Variants in BPNT1 observed in about 807,000 individuals in gnomAD.
The protein encoded by BPNT1 is 3'(2'), 5'-bisphosphate nucleotidase 1, also known as 3'(2'),5'-bisphosphate nucleotidase 1.
BPNT1 carries 28 observed loss-of-function variants against 36.9 expected under a neutral mutation model. The ratio of observed to expected loss-of-function variants is 0.76; its 90% CI spans 0.56 to 1.04. The LOEUF (loss-of-function observed/expected upper bound fraction) is 1.04, where lower values mean the gene tolerates loss of function less well. Among genes scored for constraint, BPNT1 ranks in the 50% least tolerant of loss-of-function variants. The pLI, the probability that BPNT1 is intolerant of heterozygous loss-of-function variation, is 0.00. For missense variants in BPNT1, 313 were observed against 372.9 expected, an observed-to-expected ratio of 0.84 and a Z score of 1.32; for synonymous variants, 119 against 130.9, an observed-to-expected ratio of 0.91 and a Z score of 0.62.
chr1:220,064,895 C>A (rs1663397965), intron 6 of BPNT1, among the ~76,000 whole-genome samples: 1 of 152,062 alleles, frequency 6.6e-6, no homozygotes, highest in Non-Finnish European at 1.5e-5. Context: ...GCAAACTCTG[C>A]CTCCTGGGTT....
chr1:220,061,594 G>T (rs999708642), intron 7 of BPNT1, among the ~76,000 whole-genome samples: 2 of 151,970 alleles, frequency 1.3e-5, no homozygotes, highest in African/African-American at 4.8e-5. Flanking sequence ...AGAGTGATAG[G>T]CTGTGAGGAA....
chr1:220,078,067 C>A (rs1389828620), intron 2 of BPNT1, among the ~76,000 whole-genome samples: 1 of 150,974 alleles, frequency 6.6e-6, no homozygotes, highest in Admixed American at 6.7e-5. Context: ...CCTAACTACT[C>A]AGGAGGCTAA....
At chr1:220,068,142 G>A (rs1050369608) in intron 5 of BPNT1, among the ~76,000 whole-genome samples, 3 of 152,098 alleles carry the variant, frequency 2.0e-5, no homozygotes, top group Non-Finnish European at 4.4e-5. Flanking sequence ...GAAAATTTAT[G>A]TAGACCTTAA....
At chr1:220,074,448 A>G (rs1194963683) in intron 2 of BPNT1, among the ~76,000 whole-genome samples, 4 of 152,020 alleles carry the variant, frequency 2.6e-5, no homozygotes, top group African/African-American at 9.7e-5. Context: ...CCTAATCATA[A>G]TAATTCAACA....
At chr1:220,069,279 CAT>C (rs1282345037) in intron 5 of BPNT1, 103 bp downstream of exon 5, 2 of 863,008 alleles carry the variant, frequency 2.3e-6, no homozygotes, top group African/African-American at 1.7e-5. Flanking sequence ...AAACATAACA[CAT>C]GATAGTAGCT....
At position 220,072,831 on chromosome 1, in the gene BPNT1, G is replaced by A. The variant is rs200840033; in HGVS notation, c.333+19C>T. The A allele has an allele frequency of 4.0e-4, 637 of 1,580,208 alleles. 6 individuals carry two copies. In the South Asian group the frequency reaches 4.1e-3, roughly 10 times the overall value. On this transcript the variant is annotated intron_variant, in intron 4 of 8. Coordinates refer to ENST00000322067, the MANE Select transcript of BPNT1 (RefSeq NM_006085.6). Reference sequence around the variant, plus strand: ...AAAGCCCAGGTTAATAGAGAGTTGAGTATAAATATGGGTCATACATCTTCT... The same window carrying A: ...AAAGCCCAGGTTAATAGAGAGTTGAATATAAATATGGGTCATACATCTTCT...
chr1:220,086,864 G>A (rs924351942), intron 1 of BPNT1, among the ~76,000 whole-genome samples: 2 of 151,440 alleles, frequency 1.3e-5, no homozygotes, highest in African/African-American at 2.4e-5. Flanking sequence ...CACTCCGCCC[G>A]GCCTGAGTTG....
At chr1:220,059,549 G>A (rs561887745) in intron 8 of BPNT1, 137 bp downstream of exon 8, 1 of 604,736 alleles carries the variant, frequency 1.7e-6, no homozygotes, top group African/African-American at 1.9e-5. Flanking sequence ...TGAGGGGTTT[G>A]GACTGGATAA....
intron 2 of BPNT1, among the ~76,000 whole-genome samples, chr1:220,078,968 T>C (rs1355212544): frequency 6.6e-6 from 1 of 152,198 alleles, no homozygotes; most frequent in Non-Finnish European, 1.5e-5. Flanking sequence ...CTATAAACTT[T>C]CTGATAATCT....
At position 220,058,311 on chromosome 1, in the gene BPNT1, A is replaced by G; in HGVS notation, c.*533T>C. On this transcript the variant is annotated 3_prime_UTR_variant, in exon 9 of 9. Transcript: ENST00000322067. ...AAAACAAATATAACATATTGAGTTT[A>G]TAAGTTCTCCAGACGTCAAAATTGG... 4 of 988,332 alleles carry G rather than the reference A, an allele frequency of 4.0e-6. No homozygotes were observed. Among genetic ancestry groups the G allele is most frequent in the Non-Finnish European group, 4.8e-6 (4 of 831,272 alleles). The allele number at this position is 988,332 out of a possible 1,614,324, so 61.2% of individuals were successfully genotyped here.
chr1:220,072,069 A>C (rs1284322970), intron 4 of BPNT1, among the ~76,000 whole-genome samples: 3 of 150,500 alleles, frequency 2.0e-5, no homozygotes, highest in Non-Finnish European at 3.0e-5. Context: ...TCTCTTTAAG[A>C]GATGGTGCTG....
At chr1:220,086,273 ACTTTTT>A (rs1655710088) in intron 1 of BPNT1, among the ~76,000 whole-genome samples, 1 of 151,976 alleles carries the variant, frequency 6.6e-6, no homozygotes, top group Non-Finnish European at 1.5e-5. Context: ...ACTTTTAAAT[ACTTTTT>A]CTTTTTTTTG....
chr1:220,062,912 A>C lies in BPNT1; in HGVS notation c.517T>G (p.Leu173Val). The C allele has an allele frequency of 1.2e-6, 2 of 1,614,080 alleles. No individual in the cohort carries two copies. ...AVLGRTIWGVLGLGAFGFQLK... is the reference protein window; with the variant it reads ...AVLGRTIWGVVGLGAFGFQLK... ...TGAAACCCAAAGGCGCCTAAACCTAAAACTCCCCAGATTGTCCTCCCCAAC... is the reference window on the plus strand; with the variant it reads ...TGAAACCCAAAGGCGCCTAAACCTACAACTCCCCAGATTGTCCTCCCCAAC... The change falls in exon 7 of 9, where the codon TTA (leucine) becomes GTA (valine). Residue 173 changes from leucine to valine, a missense_variant. Coordinates refer to ENST00000322067, the MANE Select transcript of BPNT1 (RefSeq NM_006085.6).
intron 1 of BPNT1, among the ~76,000 whole-genome samples, chr1:220,086,396 T>C (rs899915861): frequency 6.6e-6 from 1 of 152,056 alleles, no homozygotes; most frequent in Non-Finnish European, 1.5e-5. Flanking sequence ...CTCATATGGC[T>C]GAGTAGCTGG....
Position 220,062,936 on chromosome 1 carries a change from A to C in BPNT1, c.493T>G (p.Leu165Val). Residue 165 changes from leucine to valine, a missense_variant, in exon 7 of 9, where the codon TTG (leucine) becomes GTG (valine). By Grantham distance (32) the Leu-to-Val change is conservative (BLOSUM62 1). Coordinates refer to ENST00000322067, the MANE Select transcript of BPNT1 (RefSeq NM_006085.6). ...AAAACTCCCCAGATTGTCCTCCCCA[A>C]CACAGCATCTGGTCCTGCCTGTGTA... ...YNYEAGPDAV[L>V]GRTIWGVLGL... The C allele has an allele frequency of 6.2e-7, 1 of 1,614,146 alleles. No individual in the cohort carries two copies. The highest frequency in any genetic ancestry group is 1.1e-5 in the South Asian group (1 of 91,080).
intron 1 of BPNT1, among the ~76,000 whole-genome samples, chr1:220,086,882 T>C (rs1655778246): frequency 7.2e-6 from 1 of 138,838 alleles, no homozygotes; most frequent in Non-Finnish European, 1.6e-5. Context: ...TTGCTAAACT[T>C]AAAAAAAAAA....
intron 1 of BPNT1, among the ~76,000 whole-genome samples, chr1:220,086,388 C>T (rs1359972205): frequency 6.6e-6 from 1 of 152,068 alleles, no homozygotes; most frequent in Middle Eastern, 3.2e-3. Flanking sequence ...TCTCCTGCCT[C>T]ATATGGCTGA....
At chr1:220,071,095 C>T (rs1181246764) in intron 4 of BPNT1, among the ~76,000 whole-genome samples, 2 of 151,326 alleles carry the variant, frequency 1.3e-5, no homozygotes, top group Admixed American at 6.6e-5. Context: ...CTCCTGACCT[C>T]GTGATCCGCC....
At chr1:220,059,572 C>T (rs1662832593) in intron 8 of BPNT1, 114 bp downstream of exon 8, 4 of 799,794 alleles carry the variant, frequency 5.0e-6, no homozygotes, top group Admixed American at 3.1e-5. Flanking sequence ...TCTAAGCTGC[C>T]TTCTAGCTTT....
Sources: allele counts gnomAD v4.1 joint callset (sites outside exome capture counted in the v4.1 genomes callset), GRCh38; gene constraint gnomAD v4.1.1; transcripts MANE v1.5; gene names NCBI Gene and HGNC (gene_info 2026-07-23, HGNC 2026-07-21).